The following MECR variants were observed in gnomAD, a reference collection of about 807,000 sequenced individuals.
MECR encodes the protein mitochondrial trans-2-enoyl-CoA reductase, also known as enoyl-[acyl-carrier-protein] reductase, mitochondrial.
In MECR, 37 loss-of-function variants were observed where a neutral mutation model predicts 49.1. The ratio of observed to expected loss-of-function variants is 0.75; its 90% confidence interval spans 0.58 to 0.99. MECR has a LOEUF of 0.99. Ranked by LOEUF, MECR falls within the 50% of genes least tolerant of loss-of-function variation. MECR has a pLI of 0.00. For synonymous variants in MECR, 198 were observed against 191.1 expected, an observed-to-expected ratio of 1.04 and a Z score of -0.30; for missense variants, 470 against 479.6, an observed-to-expected ratio of 0.98 and a Z score of 0.19.
intron 7 of MECR, 78 bp from the exon 8 acceptor site, chr1:29,196,336 C>T (rs1673990722): frequency 1.6e-6 from 2 of 1,281,700 alleles, no homozygotes; most frequent in African/African-American, 1.5e-5. Context: ...GGCGCTTCTA[C>T]TCCAACCCTG....
chr1:29,181,630 C>T, the MECR span: 1 of 1,576,702 alleles, frequency 6.3e-7, no homozygotes, highest in Non-Finnish European at 8.6e-7. Context: ...GCCGGACCCT[C>T]TTTCGCCCTC....
chr1:29,215,867 G>A (rs573210642), intron 3 of MECR, 138 bp downstream of exon 3: 20 of 1,074,166 alleles, frequency 1.9e-5, no homozygotes, highest in East Asian at 8.7e-5. Flanking sequence ...GCAAAACTCC[G>A]TCTCAAAATA....
the MECR span, among the ~76,000 whole-genome samples, chr1:29,187,226 T>A: frequency 2.6e-5 from 4 of 152,130 alleles, no homozygotes; most frequent in African/African-American, 9.7e-5. Flanking sequence ...TTCTCTTTTC[T>A]TTTTTGAGAC....
At chr1:29,195,333 T>G (rs1003962450) in intron 9 of MECR, among the ~76,000 whole-genome samples, 1 of 152,186 alleles carries the variant, frequency 6.6e-6, no homozygotes, top group African/African-American at 2.4e-5. Flanking sequence ...TGCCACCACC[T>G]TCCTCCCCTT....
the MECR span, chr1:29,181,578 C>T: frequency 7.4e-7 from 1 of 1,356,434 alleles, no homozygotes; most frequent in African/African-American, 1.5e-5. Flanking sequence ...CCTCTCCCGT[C>T]CCCGCGGCCT....
intron 1 of MECR, among the ~76,000 whole-genome samples, chr1:29,225,648 C>T (rs970725031): frequency 3.3e-5 from 5 of 152,158 alleles, no homozygotes; most frequent in African/African-American, 9.7e-5. Flanking sequence ...CCTTCTGTTC[C>T]CACTCCATTC....
At chr1:29,194,414 CA>C (rs1242590193) in intron 9 of MECR, among the ~76,000 whole-genome samples, 1 of 152,142 alleles carries the variant, frequency 6.6e-6, no homozygotes, top group Non-Finnish European at 1.5e-5. Context: ...GGCTGAGGGG[CA>C]GACAGGCAGA....
the MECR span, among the ~76,000 whole-genome samples, chr1:29,187,560 G>A: frequency 2.2e-4 from 33 of 151,622 alleles, no homozygotes; most frequent in Middle Eastern, 3.4e-3. Flanking sequence ...GAAAGTGTGC[G>A]TAATTATCTC....
In MECR at chr1:29,193,886, T is replaced by C. The variant is rs1053513841; in HGVS notation, c.*136A>G. ...GGCCCTGGGGAAAACCGTGGCTGGC[T>C]TCACCATCCTCCTAATAGGAAGAGG... On this transcript the variant is annotated 3_prime_UTR_variant, in exon 10 of 10. Transcript: ENST00000263702. 1.8e-6 allele frequency: 2 copies of C among 1,109,732 alleles called. No individual in the cohort carries two copies. Among genetic ancestry groups the C allele is most frequent in the Non-Finnish European group, 1.3e-6 (1 of 780,042 alleles). The allele number at this position is 1,109,732 out of a possible 1,614,324, so 68.7% of individuals were successfully genotyped here.
At chr1:29,202,601 C>T (rs1458938485) in intron 5 of MECR, among the ~76,000 whole-genome samples, 1 of 152,108 alleles carries the variant, frequency 6.6e-6, no homozygotes, top group African/African-American at 2.4e-5. Flanking sequence ...AGTGAGGAAA[C>T]CGAGTCTATT....
chr1:29,214,065 T>C (rs10915241), intron 3 of MECR, among the ~76,000 whole-genome samples: 44,667 of 142,968 alleles, frequency 0.31, 6,893 homozygotes, highest in Non-Finnish European at 0.38. Flanking sequence ...AACTTTCTTT[T>C]TTTTTTTTTT....
chr1:29,213,002 C>T (rs962733664), intron 3 of MECR, among the ~76,000 whole-genome samples: 2 of 152,238 alleles, frequency 1.3e-5, no homozygotes, highest in Non-Finnish European at 2.9e-5. Context: ...GCTGCACTTC[C>T]AGCAGCTCTT....
the MECR span, among the ~76,000 whole-genome samples, chr1:29,186,679 A>G: frequency 6.6e-6 from 1 of 152,178 alleles, no homozygotes; most frequent in East Asian, 1.9e-4. Flanking sequence ...AGACTCAGGG[A>G]AATTTGAATG....
intron 4 of MECR, 54 bp downstream of exon 4, chr1:29,206,708 G>A (rs1676669928): frequency 6.3e-6 from 10 of 1,599,950 alleles, no homozygotes; most frequent in Admixed American, 1.7e-5. Flanking sequence ...CAGGATGTGA[G>A]TGGCACCCTA....
chr1:29,169,406 G>T, the MECR span: 1 of 152,214 alleles, frequency 6.6e-6, no homozygotes, highest in Non-Finnish European at 1.5e-5. Context: ...CTGTAGTGTG[G>T]AAGACAAATG....
intron 3 of MECR, among the ~76,000 whole-genome samples, chr1:29,211,123 C>T (rs1268918125): frequency 2.7e-5 from 4 of 147,156 alleles, no homozygotes; most frequent in Non-Finnish European, 5.9e-5. Context: ...AAGAGTCTTA[C>T]TCTGTTGCCC....
chr1:29,221,779 A>G (rs1680836318), intron 1 of MECR, among the ~76,000 whole-genome samples: 1 of 152,156 alleles, frequency 6.6e-6, no homozygotes, highest in Non-Finnish European at 1.5e-5. Flanking sequence ...GGGTGGGTGG[A>G]GTCTAGGAGA....
At position 29,216,009 on chromosome 1, in the gene MECR, A is replaced by G. The variant is rs1477324345; in HGVS notation, c.402T>C (p.Gly134=). 2.5e-6 allele frequency: 4 copies of G among 1,614,080 alleles called. No homozygotes were observed. The South Asian group carries it at 4.4e-5, about 18-fold the overall frequency. ...PGDWVIPANA[G]LGTWRTEAVF... ...CTGACACCTGGAGAAACTCACCTAA[A>G]CCAGCATTTGCTGGAATCACCCAGT... Residue 134 remains glycine (G), a synonymous_variant, in exon 3 of 10, where the codon GGT becomes GGC. Transcript: ENST00000263702.
the MECR span, chr1:29,168,916 A>G: frequency 6.6e-6 from 1 of 152,238 alleles, no homozygotes; most frequent in Admixed American, 6.5e-5. Context: ...ATCAAAGAAT[A>G]CTAGAAAGTT....
Sources: allele counts gnomAD v4.1 joint callset (sites outside exome capture counted in the v4.1 genomes callset), GRCh38; gene constraint gnomAD v4.1.1; transcripts MANE v1.5; gene names NCBI Gene and HGNC (gene_info 2026-07-23, HGNC 2026-07-21).